The following SLC16A1 variants were observed in gnomAD, a reference collection of about 807,000 sequenced individuals.
SLC16A1 encodes the protein solute carrier family 16 member 1, also known as monocarboxylate transporter 1.
SLC16A1 carries 11 observed loss-of-function variants against 32.2 expected under a neutral mutation model. That is an observed-to-expected ratio of 0.34 (90% CI 0.21 to 0.56). The LOEUF (loss-of-function observed/expected upper bound fraction) is 0.56, where lower values mean the gene tolerates loss of function less well. SLC16A1 is among the 20% of genes least tolerant of loss of function. The pLI is 0.87. For missense variants in SLC16A1, 435 were observed against 615.0 expected (o/e 0.71, Z 3.10); for synonymous variants, 231 against 226.8 (o/e 1.02, Z -0.17).
chr1:112,914,270 TTAA>T, intron 4 of SLC16A1, 105 bp from the exon 5 acceptor site: 2 of 1,222,830 alleles, frequency 1.6e-6, no homozygotes, highest in South Asian at 1.3e-5. Context: ...AATCCAATCT[TTAA>T]AGAGTCCCAA....
chr1:112,948,891 C>A (rs1393907920), intron 1 of SLC16A1, among the ~76,000 whole-genome samples: 1 of 151,514 alleles, frequency 6.6e-6, no homozygotes, highest in Admixed American at 6.6e-5. Flanking sequence ...AGTGCAGTGG[C>A]GTGATCTCCG....
chr1:112,943,124 T>G (rs1649566716), intron 1 of SLC16A1, among the ~76,000 whole-genome samples: 1 of 152,172 alleles, frequency 6.6e-6, no homozygotes, highest in Non-Finnish European at 1.5e-5. Context: ...AATGAGGCTA[T>G]TATATAAGAA....
intron 1 of SLC16A1, among the ~76,000 whole-genome samples, chr1:112,936,180 G>A (rs1172990439): frequency 6.6e-6 from 1 of 151,436 alleles, no homozygotes; most frequent in Non-Finnish European, 1.5e-5. Context: ...ACATCTCTGT[G>A]ATAACTATCT....
intron 2 of SLC16A1, among the ~76,000 whole-genome samples, chr1:112,925,607 G>A (rs959181723): frequency 6.6e-6 from 1 of 150,704 alleles, no homozygotes; most frequent in African/African-American, 2.4e-5. Flanking sequence ...TTGTAATCCC[G>A]GACTCAAGTG....
At chr1:112,923,754 A>T (rs1424428210) in intron 2 of SLC16A1, 2 of 1,518,332 alleles carry the variant, frequency 1.3e-6, no homozygotes, top group East Asian at 4.5e-5. Flanking sequence ...CCAGGAGGGC[A>T]AGTTCCTGGA....
intron 1 of SLC16A1, among the ~76,000 whole-genome samples, chr1:112,939,706 T>C (rs867775810): frequency 5.3e-5 from 8 of 152,194 alleles, no homozygotes; most frequent in Middle Eastern, 6.8e-3. Flanking sequence ...GGTTTCACCA[T>C]GTTGGCCAGG....
At chr1:112,933,596 C>A (rs1488323596) in intron 1 of SLC16A1, among the ~76,000 whole-genome samples, 1 of 149,824 alleles carries the variant, frequency 6.7e-6, no homozygotes, top group Non-Finnish European at 1.5e-5. Context: ...AAAAAAAAAG[C>A]AAAAGATCTA....
chr1:112,935,279 G>A (rs1050416477), intron 1 of SLC16A1, among the ~76,000 whole-genome samples: 1 of 152,082 alleles, frequency 6.6e-6, no homozygotes, highest in Non-Finnish European at 1.5e-5. Flanking sequence ...GCCAGGCATG[G>A]TGGCACATGC....
At chr1:112,921,492 A>G (rs1648733609) in intron 3 of SLC16A1, among the ~76,000 whole-genome samples, 1 of 152,268 alleles carries the variant, frequency 6.6e-6, no homozygotes, top group Admixed American at 6.5e-5. Flanking sequence ...GTATCTGTGC[A>G]TAGAAAAACA....
intron 1 of SLC16A1, among the ~76,000 whole-genome samples, chr1:112,943,616 C>T (rs1366680844): frequency 6.7e-6 from 1 of 149,664 alleles, no homozygotes; most frequent in Non-Finnish European, 1.5e-5. Flanking sequence ...GGCAAAACCT[C>T]GTCTCTACTA....
At chr1:112,943,746 C>T (rs1412065202) in intron 1 of SLC16A1, among the ~76,000 whole-genome samples, 1 of 148,136 alleles carries the variant, frequency 6.8e-6, no homozygotes, top group Non-Finnish European at 1.5e-5. Flanking sequence ...CGAGATCACA[C>T]CACTGCACTC....
At chr1:112,915,060 GCTTT>G (rs555466526) in intron 4 of SLC16A1, among the ~76,000 whole-genome samples, 2 of 152,140 alleles carry the variant, frequency 1.3e-5, no homozygotes, top group African/African-American at 2.4e-5. Context: ...ATTCCATATG[GCTTT>G]CTAACTCAGG....
At chr1:112,915,101 G>C (rs1648455089) in intron 4 of SLC16A1, among the ~76,000 whole-genome samples, 1 of 152,098 alleles carries the variant, frequency 6.6e-6, no homozygotes, top group East Asian at 1.9e-4. Context: ...AATATTTATT[G>C]AGCCTTTATC....
At chr1:112,948,869 T>C (rs1217152222) in intron 1 of SLC16A1, among the ~76,000 whole-genome samples, 2 of 152,030 alleles carry the variant, frequency 1.3e-5, no homozygotes, top group African/African-American at 4.8e-5. Flanking sequence ...CTCGCTCTGT[T>C]GCCCAGGCTG....
At chr1:112,945,156 G>A (rs529672424) in intron 1 of SLC16A1, among the ~76,000 whole-genome samples, 1 of 151,978 alleles carries the variant, frequency 6.6e-6, no homozygotes, top group Admixed American at 6.5e-5. Context: ...CTGCCACCGT[G>A]CCTGCCTAAT....
At chr1:112,916,435 T>G (rs1648511592) in intron 4 of SLC16A1, among the ~76,000 whole-genome samples, 1 of 143,842 alleles carries the variant, frequency 7.0e-6, no homozygotes, top group Non-Finnish European at 1.5e-5. Flanking sequence ...GAGGCAGAGG[T>G]TGCAGTGAGC....
chr1:112,925,886 A>G (rs1648921847), intron 2 of SLC16A1, among the ~76,000 whole-genome samples: 1 of 152,226 alleles, frequency 6.6e-6, no homozygotes, highest in Admixed American at 6.5e-5. Context: ...AGTTACTTAT[A>G]GTCTAGTTTT....
At chr1:112,928,725 A>G (rs1017179979) in intron 2 of SLC16A1, among the ~76,000 whole-genome samples, 1 of 152,192 alleles carries the variant, frequency 6.6e-6, no homozygotes, top group Non-Finnish European at 1.5e-5. Context: ...TAATCCTCCC[A>G]ACATCAATTT....
chr1:112,948,955 C>T (rs1337102469), intron 1 of SLC16A1, among the ~76,000 whole-genome samples: 3 of 152,144 alleles, frequency 2.0e-5, no homozygotes, highest in South Asian at 2.1e-4. Flanking sequence ...CTCAGCCTCC[C>T]GAGTAGCTGG....
Sources: gnomAD v4.1 joint callset for allele counts (sites outside exome capture counted in the v4.1 genomes callset) on GRCh38, gnomAD v4.1.1 for gene constraint, MANE v1.5 for transcripts, NCBI Gene and HGNC (gene_info 2026-07-23, HGNC 2026-07-21) for gene names.